The following ZNF251 variants were observed in gnomAD, a reference collection of about 807,000 sequenced individuals.
ZNF251 encodes the protein zinc finger protein 251.
Under a neutral mutation model 13.5 loss-of-function variants are expected in ZNF251, and 14 were observed. The observed-to-expected ratio is 1.04, with a 90% CI of 0.69 to 1.63. The LOEUF (loss-of-function observed/expected upper bound fraction) is 1.63, where lower values mean the gene tolerates loss of function less well. Among genes scored for constraint, ZNF251 ranks in the 40% most tolerant of loss-of-function variants. ZNF251 has a pLI of 0.00. For missense variants in ZNF251, 764 were observed against 834.9 expected (o/e 0.92, Z 1.05); for synonymous variants, 287 against 295.2 (o/e 0.97, Z 0.28).
At chr8:144,726,430 G>A (rs1266931590) in intron 4 of ZNF251, among the ~76,000 whole-genome samples, 1 of 151,812 alleles carries the variant, frequency 6.6e-6, no homozygotes, top group Non-Finnish European at 1.5e-5. Context: ...CCAGCTACTC[G>A]GGAGGCTGAG....
At chr8:144,735,124 G>A (rs1273124662) in intron 4 of ZNF251, among the ~76,000 whole-genome samples, 2 of 151,476 alleles carry the variant, frequency 1.3e-5, no homozygotes, top group Non-Finnish European at 2.9e-5. Context: ...GGTGGCTCAC[G>A]CCTGTAATCC....
intron 4 of ZNF251, among the ~76,000 whole-genome samples, chr8:144,730,351 G>A (rs1823658112): frequency 1.3e-5 from 2 of 148,502 alleles, no homozygotes; most frequent in East Asian, 2.0e-4. Context: ...GTGACGCTGC[G>A]ACGGGGCGTC....
At chr8:144,729,393 GT>G (rs1823623535) in intron 4 of ZNF251, among the ~76,000 whole-genome samples, 1 of 149,254 alleles carries the variant, frequency 6.7e-6, no homozygotes, top group Non-Finnish European at 1.5e-5. Flanking sequence ...CTGGAGTGCA[GT>G]GGCGCAATCT....
chr8:144,726,786 C>T (rs952712478), intron 4 of ZNF251, among the ~76,000 whole-genome samples: 39 of 152,050 alleles, frequency 2.6e-4, no homozygotes, highest in African/African-American at 8.2e-4. Flanking sequence ...AGGAGAATGG[C>T]GTGAACCCGG....
intron 4 of ZNF251, among the ~76,000 whole-genome samples, chr8:144,739,622 C>T (rs559969902): frequency 6.6e-6 from 1 of 152,292 alleles, no homozygotes; most frequent in East Asian, 1.9e-4. Flanking sequence ...TGCCCGGAAA[C>T]CTCATGTATT....
chr8:144,742,153 C>G (rs911369853), intron 4 of ZNF251, among the ~76,000 whole-genome samples: 1 of 151,350 alleles, frequency 6.6e-6, no homozygotes, highest in African/African-American at 2.4e-5. Context: ...GACTCCTCAT[C>G]GAAAGTCAAG....
intron 4 of ZNF251, among the ~76,000 whole-genome samples, chr8:144,740,787 G>T (rs1824122934): frequency 6.6e-6 from 1 of 151,748 alleles, no homozygotes; most frequent in Non-Finnish European, 1.5e-5. Context: ...TACAAAATTA[G>T]CTGGGCGTGG....
At position 144,723,029 on chromosome 8, in the gene ZNF251, A is replaced by C. The variant is rs1823416089; in HGVS notation, c.631T>G (p.Cys211Gly). The change falls in exon 5 of 5, where the codon TGT (cysteine) becomes GGT (glycine). Residue 211 changes from cysteine (C) to glycine (G), a missense_variant. Cys to Gly is a radical substitution (Grantham distance 159). Coordinates refer to ENST00000292562, the MANE Select transcript of ZNF251 (RefSeq NM_138367.2). ...RNKTGERVFK[C>G]DICSKTFKYN... The stretch of plus-strand genomic sequence containing the variant: ...TTGAAGGTTTTGCTGCATATATCAC[A>C]TTTAAAGACCCTCTCTCCTGTTTTA... 6.2e-7 allele frequency: 1 copy of C among 1,613,874 alleles called. No homozygotes were observed. The highest frequency in any genetic ancestry group is 1.1e-5 in the South Asian group (1 of 91,086).
rs1376935332 is a variant in ZNF251 at position 144,751,981 on chromosome 8, CATA to C, written c.277+1699_277+1701del. Among the ~76,000 whole-genome samples, 15 of 152,156 alleles carry C rather than the reference CATA, an allele frequency of 9.9e-5. No individual in the cohort carries two copies. The South Asian group carries it at 2.7e-3, about 27-fold the overall frequency. ...GACAAACAGGAATTCTCTTATCTCT[CATA>C]ATGATAGTCATAAGTGAAGTAAGTC... On this transcript the variant is annotated intron_variant, in intron 4 of 4. Coordinates refer to ENST00000292562, the MANE Select transcript of ZNF251 (RefSeq NM_138367.2).
chr8:144,747,607 A>G (rs895350121), intron 4 of ZNF251, among the ~76,000 whole-genome samples: 6 of 152,124 alleles, frequency 3.9e-5, no homozygotes, highest in Non-Finnish European at 8.8e-5. Context: ...TTCGCATCAC[A>G]TATTTTGTTG....
At position 144,752,333 on chromosome 8, in the gene ZNF251, A is replaced by G. The variant is rs1824737770; in HGVS notation, c.277+1350T>C. Among the ~76,000 whole-genome samples the G allele has an allele frequency of 3.3e-5, 5 of 152,290 alleles. No homozygotes were observed. The South Asian group carries it at 1.0e-3, about 32-fold the overall frequency. On this transcript the variant is annotated intron_variant, in intron 4 of 4. Coordinates refer to ENST00000292562, the MANE Select transcript of ZNF251 (RefSeq NM_138367.2). The stretch of plus-strand genomic sequence containing the variant: ...AAGCAACAAATATGAAAGGAATGAA[A>G]TAATACAGAGTATGTTCTCTGACCA...
chr8:144,752,077 A>C (rs1313718252), intron 4 of ZNF251, among the ~76,000 whole-genome samples: 1 of 151,482 alleles, frequency 6.6e-6, no homozygotes, highest in Non-Finnish European at 1.5e-5. Context: ...AGACAATTCC[A>C]CAATCATACT....
chr8:144,748,197 T>C (rs958605861), intron 4 of ZNF251, among the ~76,000 whole-genome samples: 11 of 151,960 alleles, frequency 7.2e-5, no homozygotes, highest in Non-Finnish European at 1.2e-4. Flanking sequence ...TCTTAGTCTC[T>C]TGAGTAGGGG....
chr8:144,734,938 G>A lies in ZNF251; in HGVS notation c.278-11556C>T, dbSNP rs1279973810. Among the ~76,000 whole-genome samples the A allele has an allele frequency of 6.6e-6, 1 of 152,048 alleles. No individual in the cohort carries two copies. The highest frequency in any genetic ancestry group is 2.4e-5 in the African/African-American group (1 of 41,384). ...AAAATACAAAAATTAGCCAGACGTG[G>A]TGGTGCATGCCTGTGATCCCAGCTA... On this transcript the variant is annotated intron_variant, in intron 4 of 4. Coordinates refer to ENST00000292562, the MANE Select transcript of ZNF251 (RefSeq NM_138367.2). The surrounding 1 kb of genome is among the most constrained non-coding windows in gnomAD (Gnocchi z 4.4).
At chr8:144,747,392 G>A (rs1466152093) in intron 4 of ZNF251, among the ~76,000 whole-genome samples, 1 of 152,204 alleles carries the variant, frequency 6.6e-6, no homozygotes, top group Non-Finnish European at 1.5e-5. Context: ...CTTAGTGAAT[G>A]TTCCACATGA....
chr8:144,737,593 G>A (rs574084150), intron 4 of ZNF251, among the ~76,000 whole-genome samples: 3 of 152,090 alleles, frequency 2.0e-5, no homozygotes, highest in East Asian at 3.9e-4. Flanking sequence ...CTTTGGTTGG[G>A]AGGCCAAGGC....
At chr8:144,754,424 T>C in intron 2 of ZNF251, 103 bp from the exon 3 acceptor site, 2 of 1,460,408 alleles carry the variant, frequency 1.4e-6, no homozygotes, top group East Asian at 2.5e-5. Context: ...GGCCCTGCTG[T>C]GGTCAGTATG....
intron 4 of ZNF251, among the ~76,000 whole-genome samples, chr8:144,739,207 C>G (rs1011020398): frequency 2.6e-5 from 4 of 151,300 alleles, no homozygotes; most frequent in Non-Finnish European, 5.9e-5. Context: ...TCCACTCCCC[C>G]AAACTAGGAT....
intron 2 of ZNF251, 181 bp from the exon 3 acceptor site, chr8:144,754,502 C>A (rs2130122548): frequency 1.3e-5 from 19 of 1,446,938 alleles, no homozygotes; most frequent in Non-Finnish European, 1.5e-5. Context: ...TTCAGCTACA[C>A]GGGGACCCAG....
Sources: allele counts gnomAD v4.1 joint callset (sites outside exome capture counted in the v4.1 genomes callset), GRCh38; gene constraint gnomAD v4.1.1; non-coding constraint Gnocchi (gnomAD v3.1); transcripts MANE v1.5; gene names NCBI Gene and HGNC (gene_info 2026-07-23, HGNC 2026-07-21).